The following CEP63 variants were observed in gnomAD, a reference collection of about 807,000 sequenced individuals.
CEP63 encodes centrosomal protein of 63 kDa.
In CEP63, 84 loss-of-function variants were observed where a neutral mutation model predicts 89.1. The ratio of observed to expected loss-of-function variants is 0.94; its 90% confidence interval spans 0.79 to 1.13. The LOEUF (loss-of-function observed/expected upper bound fraction) is 1.13, where lower values mean the gene tolerates loss of function less well. CEP63 is among the 50% of genes most tolerant of loss of function. CEP63 has a pLI of 0.00. For missense variants in CEP63, 838 were observed against 813.3 expected (o/e 1.03, Z -0.37); for synonymous variants, 267 against 272.5 (o/e 0.98, Z 0.20).
At chr3:134,534,654 T>G (rs1950441353) in intron 5 of CEP63, among the ~76,000 whole-genome samples, 1 of 152,198 alleles carries the variant, frequency 6.6e-6, no homozygotes, top group Non-Finnish European at 1.5e-5. Flanking sequence ...AGTCCACCTT[T>G]CTGCCCACTC....
chr3:134,615,824 T>C, the CEP63 span, among the ~76,000 whole-genome samples: 2 of 152,214 alleles, frequency 1.3e-5, no homozygotes, highest in Admixed American at 6.5e-5. Context: ...TTTAGGATTA[T>C]AGGGGACATA....
chr3:134,586,020 C>T (rs1958476541), intron 10 of CEP63, among the ~76,000 whole-genome samples: 1 of 132,820 alleles, frequency 7.5e-6, no homozygotes, highest in South Asian at 2.4e-4. Context: ...GATTGCAACT[C>T]CTGCTTTTTT....
the CEP63 span, among the ~76,000 whole-genome samples, chr3:134,708,224 G>A: frequency 2.6e-5 from 4 of 152,244 alleles, no homozygotes; most frequent in African/African-American, 7.2e-5. Context: ...ACAGTTGGCA[G>A]CAGAAATGAA....
upstream of CEP63, chr3:134,485,911 G>A (rs549986727): frequency 3.7e-4 from 326 of 879,102 alleles, 2 homozygotes; most frequent in Admixed American, 0.011. Flanking sequence ...ACGCATTCCC[G>A]CGCCTCCAAA....
chr3:134,741,866 C>T, the CEP63 span, among the ~76,000 whole-genome samples: 54 of 152,266 alleles, frequency 3.5e-4, no homozygotes, highest in African/African-American at 1.3e-3. Context: ...CCCAGCTCCT[C>T]TGAGGGGATC....
At chr3:134,531,586 GAAA>G (rs1168632173) in intron 3 of CEP63, among the ~76,000 whole-genome samples, 1 of 151,236 alleles carries the variant, frequency 6.6e-6, no homozygotes, top group Non-Finnish European at 1.5e-5. Context: ...ATCTCAAAAA[GAAA>G]AAAAGAAAAA....
the CEP63 span, among the ~76,000 whole-genome samples, chr3:134,767,015 CT>C: frequency 6.6e-6 from 1 of 152,152 alleles, no homozygotes; most frequent in African/African-American, 2.4e-5. Flanking sequence ...TACATAGCCA[CT>C]TGGATACTCA....
chr3:134,704,912 A>G, the CEP63 span, among the ~76,000 whole-genome samples: 1 of 152,320 alleles, frequency 6.6e-6, no homozygotes, highest in African/African-American at 2.4e-5. Context: ...ACAGAAGCAG[A>G]GCAGAATCAG....
chr3:134,598,428 G>C, the CEP63 span, among the ~76,000 whole-genome samples: 2 of 152,326 alleles, frequency 1.3e-5, no homozygotes, highest in Non-Finnish European at 2.9e-5. Context: ...TGTCTTTCCA[G>C]AGATGGTGAG....
chr3:134,564,717 G>GTTA lies in CEP63; in HGVS notation c.*3183_*3185dup. On this transcript the variant is annotated 3_prime_UTR_variant, in exon 15 of 15. Transcript: ENST00000675561. The stretch of plus-strand genomic sequence containing the variant: ...AAGTACTGTACCTATGTGCATTGCT[G>GTTA]TTACATTCAGGAGATTTCTGAGTTT... 1 of 985,372 alleles carries GTTA rather than the reference G, an allele frequency of 1.0e-6. No homozygotes were observed. The highest frequency in any genetic ancestry group is 1.2e-6 in the Non-Finnish European group (1 of 829,922). The allele number at this position is 985,372 out of a possible 1,614,324, so 61.0% of individuals were successfully genotyped here.
At position 134,532,831 on chromosome 3, in the gene CEP63, A is replaced by T. The variant is rs1950103651; in HGVS notation, c.372A>T (p.Glu124Asp). ...YEKLQKKQMR[E>D]FRGNTKNHRE... ...AGCTTCAGAAAAAGCAAATGAGGGA[A>T]TTCAGAGGAAATACCAAAAATCACA... Residue 124 changes from glutamate (E) to aspartate (D), a missense_variant, in exon 5 of 15, where the codon GAA becomes GAT. Coordinates refer to ENST00000675561, the MANE Select transcript of CEP63 (RefSeq NM_001353108.3). 6.2e-7 allele frequency: 1 copy of T among 1,613,108 alleles called. No homozygotes were observed. Among genetic ancestry groups the T allele is most frequent in the Non-Finnish European group, 8.5e-7 (1 of 1,179,360 alleles).
the CEP63 span, among the ~76,000 whole-genome samples, chr3:134,759,500 G>T: frequency 6.6e-6 from 1 of 152,206 alleles, no homozygotes; most frequent in Non-Finnish European, 1.5e-5. Context: ...CAGGAAACAG[G>T]CAGGCCCTGA....
intron 12 of CEP63, among the ~76,000 whole-genome samples, chr3:134,555,358 GTATA>G (rs1424592069): frequency 3.3e-5 from 5 of 152,106 alleles, no homozygotes; most frequent in African/African-American, 1.2e-4. Flanking sequence ...CGACATGATT[GTATA>G]TCTAGAAAAC....
intron 2 of CEP63, among the ~76,000 whole-genome samples, chr3:134,500,677 C>A (rs1337812119): frequency 6.6e-6 from 1 of 152,074 alleles, no homozygotes; most frequent in African/African-American, 2.4e-5. Context: ...ATTTGCATTT[C>A]TCTGATGATT....
intron 3 of CEP63, among the ~76,000 whole-genome samples, chr3:134,513,279 G>A (rs1945429149): frequency 6.6e-6 from 1 of 152,158 alleles, no homozygotes; most frequent in Non-Finnish European, 1.5e-5. Flanking sequence ...TTGAGATCTT[G>A]TATATCTGAA....
intron 3 of CEP63, among the ~76,000 whole-genome samples, chr3:134,508,394 TAC>T (rs1943995367): frequency 6.6e-6 from 1 of 152,192 alleles, no homozygotes; most frequent in South Asian, 2.1e-4. Context: ...GATGCAAAAG[TAC>T]AGTGAATGGT....
the CEP63 span, among the ~76,000 whole-genome samples, chr3:134,599,534 A>G: frequency 6.6e-6 from 1 of 152,260 alleles, no homozygotes; most frequent in African/African-American, 2.4e-5. Context: ...CTGCATGTAT[A>G]TGAATATCAA....
chr3:134,510,694 T>G, intron 3 of CEP63: 1 of 570,260 alleles, frequency 1.8e-6, no homozygotes, highest in South Asian at 1.6e-5. Flanking sequence ...AGCATGAAAC[T>G]GGAGGTGAAC....
chr3:134,684,442 C>T, the CEP63 span, among the ~76,000 whole-genome samples: 1 of 152,256 alleles, frequency 6.6e-6, no homozygotes, highest in Non-Finnish European at 1.5e-5. Flanking sequence ...TCCACTGTCT[C>T]TTTTGACTTT....
Sources: gnomAD v4.1 joint callset for allele counts (sites outside exome capture counted in the v4.1 genomes callset) on GRCh38, gnomAD v4.1.1 for gene constraint, MANE v1.5 for transcripts, NCBI Gene and HGNC (gene_info 2026-07-23, HGNC 2026-07-21) for gene names.